PCDH11Y: variants seen among roughly 807,000 people sequenced by gnomAD.
The protein encoded by PCDH11Y is protocadherin 11 Y-linked, also known as protocadherin-11 Y-linked.
For synonymous variants in PCDH11Y, 9 were observed against 83.6 expected (o/e 0.11, Z 4.87); for missense variants, 12 against 224.8 (o/e 0.05, Z 6.05).
intron 4 of PCDH11Y, among the ~76,000 whole-genome samples, chrY:5,705,630 C>T: frequency 3.6e-5 from 1 of 28,111 alleles, no homozygotes; most frequent in Non-Finnish European, 8.5e-5. Flanking sequence ...CCCACACTCA[C>T]CAAGTTCTTG....
At chrY:5,302,203 AAGGG>A (rs2053083557) in intron 2 of PCDH11Y, among the ~76,000 whole-genome samples, 8 of 14,584 alleles carry the variant, frequency 5.5e-4, no homozygotes, top group Non-Finnish European at 2.4e-4. Context: ...AGAAGGAAGG[AAGGG>A]AGGAAGGAAG....
At chrY:5,194,965 T>C (rs2052917138) in intron 2 of PCDH11Y, among the ~76,000 whole-genome samples, 2 of 33,178 alleles carry the variant, frequency 6.0e-5, no homozygotes, top group South Asian at 1.4e-3. Context: ...TTTAGCTAGA[T>C]AGAAAAGTTC....
chrY:5,196,619 C>T (rs2052918829), intron 2 of PCDH11Y, among the ~76,000 whole-genome samples: 1 of 28,012 alleles, frequency 3.6e-5, no homozygotes, highest in Admixed American at 3.5e-4. Context: ...TCCTATTTCT[C>T]CACATCCTCT....
chrY:5,113,757 C>T, intron 2 of PCDH11Y, among the ~76,000 whole-genome samples: 2 of 25,131 alleles, frequency 8.0e-5, no homozygotes, highest in Non-Finnish European at 1.8e-4. Flanking sequence ...ATAAAAGTGA[C>T]AAAATATAAA....
intron 2 of PCDH11Y, among the ~76,000 whole-genome samples, chrY:5,383,897 G>A: frequency 6.0e-5 from 2 of 33,376 alleles, no homozygotes. Context: ...GATTACAGGC[G>A]TGAGCCACTG....
At chrY:5,565,930 G>T (rs1462089451) in intron 3 of PCDH11Y, among the ~76,000 whole-genome samples, 20 of 24,409 alleles carry the variant, frequency 8.2e-4, no homozygotes, top group Non-Finnish European at 1.5e-3. Flanking sequence ...AGATGTGTGT[G>T]TGTGTGTGTG....
downstream of PCDH11Y, among the ~76,000 whole-genome samples, chrY:5,109,139 C>T (rs2052800503): frequency 6.1e-5 from 2 of 32,675 alleles, no homozygotes; most frequent in Non-Finnish European, 1.5e-4. Flanking sequence ...CTAGAATATT[C>T]AAAGATTCTG....
chrY:5,021,297 G>A (rs2052569311), intron 1 of PCDH11Y, among the ~76,000 whole-genome samples: 1 of 33,043 alleles, frequency 3.0e-5, no homozygotes, highest in Non-Finnish European at 7.5e-5. Context: ...GGAGGCCGAG[G>A]TGAGTGGATC....
chrY:5,476,919 T>C (rs1602931109), intron 2 of PCDH11Y, among the ~76,000 whole-genome samples: 103 of 32,410 alleles, frequency 3.2e-3, no homozygotes, highest in African/African-American at 0.011. Flanking sequence ...AGTAGGTTTT[T>C]GTTGTTGTTG....
intron 2 of PCDH11Y, among the ~76,000 whole-genome samples, chrY:5,215,028 G>T: frequency 6.3e-5 from 2 of 31,988 alleles, no homozygotes; most frequent in African/African-American, 1.2e-4. Context: ...GGTGTCTGTT[G>T]CTTGCTTTAT....
intron 4 of PCDH11Y, among the ~76,000 whole-genome samples, chrY:5,637,834 G>C: frequency 8.2e-5 from 2 of 24,273 alleles, no homozygotes; most frequent in Non-Finnish European, 1.8e-4. Context: ...GCCTGTTTAA[G>C]ACCTTCTGCG....
chrY:5,045,600 T>C (rs2052634000), intron 3 of PCDH11Y, among the ~76,000 whole-genome samples: 9 of 32,621 alleles, frequency 2.8e-4, no homozygotes, highest in Admixed American at 2.3e-3. Context: ...TTGGAGTTGC[T>C]CTTCTCGAGG....
intron 2 of PCDH11Y, among the ~76,000 whole-genome samples, chrY:5,318,725 G>A (rs2053109716): frequency 3.2e-5 from 1 of 30,845 alleles, no homozygotes; most frequent in Non-Finnish European, 7.9e-5. Flanking sequence ...GTGTGTGTGT[G>A]TGTGTGTGTG....
chrY:5,512,428 A>AGAT (rs2053366599), intron 3 of PCDH11Y, among the ~76,000 whole-genome samples: 1 of 29,766 alleles, frequency 3.4e-5, no homozygotes, highest in Non-Finnish European at 8.0e-5. Flanking sequence ...CAGTGAGCTG[A>AGAT]GATAGCGCCA....
intron 3 of PCDH11Y, among the ~76,000 whole-genome samples, chrY:5,048,711 G>A: frequency 1.2e-4 from 4 of 32,856 alleles, no homozygotes; most frequent in African/African-American, 4.8e-4. Flanking sequence ...CTTTTGAAAA[G>A]TGTCTCCTCA....
intron 2 of PCDH11Y, among the ~76,000 whole-genome samples, chrY:5,375,658 C>T: frequency 3.1e-5 from 1 of 32,493 alleles, no homozygotes; most frequent in Admixed American, 2.9e-4. Context: ...ATATATATTC[C>T]CATGTATTTA....
intron 2 of PCDH11Y, among the ~76,000 whole-genome samples, chrY:5,433,092 G>C: frequency 3.0e-5 from 1 of 33,342 alleles, no homozygotes; most frequent in Non-Finnish European, 7.4e-5. Flanking sequence ...TCTTTATATA[G>C]CAACTTTTTC....
At chrY:5,445,541 C>G in intron 2 of PCDH11Y, among the ~76,000 whole-genome samples, 1 of 28,953 alleles carries the variant, frequency 3.5e-5, no homozygotes, top group Admixed American at 3.4e-4. Flanking sequence ...TCCTCCTCTT[C>G]CTTCTTCTGC....
At chrY:5,718,732 C>T in intron 4 of PCDH11Y, among the ~76,000 whole-genome samples, 1 of 33,005 alleles carries the variant, frequency 3.0e-5, no homozygotes, top group African/African-American at 1.2e-4. Flanking sequence ...AGGATTAGGG[C>T]ACTGTTATTA....
Sources: allele counts gnomAD v4.1 joint callset (sites outside exome capture counted in the v4.1 genomes callset), GRCh38; gene constraint gnomAD v4.1.1; transcripts MANE v1.5; gene names NCBI Gene and HGNC (gene_info 2026-07-23, HGNC 2026-07-21).